Variants in FANCA observed in about 807,000 individuals in gnomAD.
The protein encoded by FANCA is Fanconi anemia group A protein.
Under a neutral mutation model 194.3 loss-of-function variants are expected in FANCA, and 236 were observed. That is an observed-to-expected ratio of 1.21 (90% confidence interval 1.09 to 1.35). The LOEUF (loss-of-function observed/expected upper bound fraction) is 1.35. FANCA is among the 40% of genes most tolerant of loss of function. The pLI, the probability that FANCA is intolerant of heterozygous loss-of-function variation, is 0.00. For synonymous variants in FANCA, 1,014 were observed against 715.8 expected, an observed-to-expected ratio of 1.42 and a Z score of -6.65; for missense variants, 2,628 against 1,813.9, an observed-to-expected ratio of 1.45 and a Z score of -8.15.
chr16:89,738,362 C>A lies in FANCA; in HGVS notation c.*239G>T. On this transcript the variant is annotated 3_prime_UTR_variant, in exon 43 of 43. Coordinates refer to ENST00000389301, the MANE Select transcript of FANCA (RefSeq NM_000135.4). ...CGGAGGGTGCTGCCCGCCCTTGGTG[C>A]TGGAGGCGGGCTTGGTGTCCGGCTC... The A allele has an allele frequency of 6.8e-7, 1 of 1,463,382 alleles. No individual in the cohort carries two copies. The highest frequency in any genetic ancestry group is 1.3e-5 in the South Asian group (1 of 74,746). 90.6% of individuals were successfully genotyped at this position (1,463,382 alleles called of 1,614,324 possible).
chr16:89,776,159 C>CTTTTTTTT (rs3069458), intron 20 of FANCA, among the ~76,000 whole-genome samples: 3 of 93,310 alleles, frequency 3.2e-5, no homozygotes, highest in Non-Finnish European at 4.5e-5. Flanking sequence ...CTTTGTTTTT[C>CTTTTTTTT]TTTTTTTTTT....
Position 89,758,650 on chromosome 16 carries a change from A to G in FANCA, c.2908T>C (p.Ser970Pro), listed in dbSNP as rs1212454276. The G allele has an allele frequency of 6.2e-7, 1 of 1,614,074 alleles. No homozygotes were observed. Among genetic ancestry groups the G allele is most frequent in the Non-Finnish European group, 8.5e-7 (1 of 1,179,960 alleles). The change falls in exon 30 of 43, where the codon TCA (serine) becomes CCA (proline). Residue 970 changes from serine (S) to proline (P), a missense_variant. Physicochemically the swap from Ser to Pro is moderately conservative, Grantham distance 74. Transcript: ENST00000389301. ...HEHFLPESSA[S>P]GGCDGDLQAA... ...TGCAGGTCTCCGTCACAGCCCCCTG[A>G]AGCCGAGGACTCAGGGAGAAAGTGC...
intron 31 of FANCA, among the ~76,000 whole-genome samples, chr16:89,750,183 A>C (rs2038535324): frequency 1.3e-5 from 2 of 152,118 alleles, no homozygotes; most frequent in Admixed American, 6.5e-5. Context: ...TCAACTACTT[A>C]TCAATTAAGA....
At chr16:89,816,135 G>T (rs778920010) in intron 1 of FANCA, 149 bp from the exon 2 acceptor site, 1 of 697,958 alleles carries the variant, frequency 1.4e-6, no homozygotes, top group African/African-American at 1.8e-5. Flanking sequence ...CAGGTCTCGG[G>T]AAACTAACGG....
chr16:89,777,944 T>A (rs1455608396), intron 20 of FANCA, among the ~76,000 whole-genome samples: 1 of 151,964 alleles, frequency 6.6e-6, no homozygotes, highest in East Asian at 1.9e-4. Flanking sequence ...GGCAGATCGC[T>A]TGAGCCCAGG....
In FANCA at chr16:89,765,934, A is replaced by G. The variant is rs550070484; in HGVS notation, c.2602-868T>C. ...TTATCTGGAAAGGGGCCAGGAATCT[A>G]TAGTTTCAAAAGCTTCTCAGTTGAT... On this transcript the variant is annotated intron_variant, in intron 27 of 42. Coordinates refer to ENST00000389301, the MANE Select transcript of FANCA (RefSeq NM_000135.4). Among the ~76,000 whole-genome samples the G allele has an allele frequency of 6.6e-5, 10 of 152,308 alleles. No homozygotes were observed. In the East Asian group the frequency reaches 1.7e-3, roughly 26 times the overall value.
At position 89,746,660 on chromosome 16, in the gene FANCA, C is replaced by T. The variant is rs199589419; in HGVS notation, c.3437G>A (p.Arg1146Lys). 31 of 1,614,062 alleles carry T rather than the reference C, an allele frequency of 1.9e-5. No homozygotes were observed. Among genetic ancestry groups the T allele is most frequent in the Non-Finnish European group, 2.5e-5 (29 of 1,180,050 alleles). Residue 1146 changes from arginine to lysine, a missense_variant, in exon 35 of 43, where the codon AGA becomes AAA. Transcript: ENST00000389301. ...RGLLNACLRS[R>K]DPSLMVDFIL... Reference sequence around the variant, plus strand: ...GAAGTCGACCATCAGGGAGGGGTCTCTGCTCCGCAGACAGGCGTTCAGGAG... The same window carrying T: ...GAAGTCGACCATCAGGGAGGGGTCTTTGCTCCGCAGACAGGCGTTCAGGAG...
At chr16:89,780,005 G>T (rs780926698) in intron 17 of FANCA, 48 bp from the exon 18 acceptor site, 1 of 1,547,248 alleles carries the variant, frequency 6.5e-7, no homozygotes, top group Non-Finnish European at 8.9e-7. Flanking sequence ...GGACTTTAAA[G>T]AAAAGACTGA....
At chr16:89,774,729 CAAA>C (rs780078944) in intron 21 of FANCA, among the ~76,000 whole-genome samples, 5 of 22,200 alleles carry the variant, frequency 2.3e-4, no homozygotes, top group Admixed American at 1.6e-3. Context: ...GACTCTGTCT[CAAA>C]AAAAAAAAAA....
At position 89,742,908 on chromosome 16, in the gene FANCA, T is replaced by A. The variant is rs2143062526; in HGVS notation, c.3657A>T (p.Ala1219=). The change falls in exon 37 of 43, where the codon GCA becomes GCT. Residue 1219 remains alanine (A), a synonymous_variant. Coordinates refer to ENST00000389301, the MANE Select transcript of FANCA (RefSeq NM_000135.4). ...DFLSPEAASP[A]PNPDWLSAAA... The stretch of plus-strand genomic sequence containing the variant: ...CAGCTGAGAGCCAGTCCGGGTTGGG[T>A]GCTGGGGAGGCAGCCTCAGGGGAGA... 6.2e-7 allele frequency: 1 copy of A among 1,614,070 alleles called. No individual in the cohort carries two copies. Among genetic ancestry groups the A allele is most frequent in the Non-Finnish European group, 8.5e-7 (1 of 1,180,020 alleles).
intron 14 of FANCA, among the ~76,000 whole-genome samples, chr16:89,789,308 G>GTT (rs1555559738): frequency 9.6e-6 from 1 of 103,866 alleles, no homozygotes; most frequent in African/African-American, 3.6e-5. Context: ...AGAAGGCCTG[G>GTT]GGGGGGAGCA....
At chr16:89,768,818 G>A (rs1293199015) in intron 26 of FANCA, among the ~76,000 whole-genome samples, 7 of 152,090 alleles carry the variant, frequency 4.6e-5, no homozygotes, top group African/African-American at 1.7e-4. Flanking sequence ...GTGTTTCTAA[G>A]AGAGGATGGC....
At position 89,792,186 on chromosome 16, in the gene FANCA, T is replaced by C. The variant is rs1023919976; in HGVS notation, c.1084-118A>G. ...GCCCCCTCACTTCCCACTGCAAAGGTAACACATGGAGCTGTGACAGCTCAC... is the reference window on the plus strand; with the variant it reads ...GCCCCCTCACTTCCCACTGCAAAGGCAACACATGGAGCTGTGACAGCTCAC... On this transcript the variant is annotated intron_variant, in intron 12 of 42. Coordinates refer to ENST00000389301, the MANE Select transcript of FANCA (RefSeq NM_000135.4). The C allele has an allele frequency of 2.1e-5, 25 of 1,217,786 alleles. No individual in the cohort carries two copies. The South Asian group carries it at 2.7e-4, about 13-fold the overall frequency. The allele number at this position is 1,217,786 out of a possible 1,614,324, so 75.4% of individuals were successfully genotyped here. A position where few individuals can be genotyped will look rare whatever the true frequency, so the allele number is the denominator to read the frequency against.
In FANCA at chr16:89,791,291, C is replaced by A. The variant is rs552959367; in HGVS notation, c.1359+112G>T. 9.8e-6 allele frequency: 14 copies of A among 1,432,994 alleles called. No individual in the cohort carries two copies. The African/African-American group carries it at 1.3e-4, about 13-fold the overall frequency. The allele number at this position is 1,432,994 out of a possible 1,614,324, so 88.8% of individuals were successfully genotyped here. ...TGCCAAGGCCACTCGGCAAAGCTGACAGCAAGGTTGCTCACTCACATGACA... is the reference window on the plus strand; with the variant it reads ...TGCCAAGGCCACTCGGCAAAGCTGAAAGCAAGGTTGCTCACTCACATGACA... On this transcript the variant is annotated intron_variant, in intron 14 of 42. Coordinates refer to ENST00000389301, the MANE Select transcript of FANCA (RefSeq NM_000135.4).
In FANCA at chr16:89,784,905, C is replaced by G. The variant is rs1337670144; in HGVS notation, c.1419G>C (p.Leu473=). 5 of 1,614,072 alleles carry G rather than the reference C, an allele frequency of 3.1e-6. No homozygotes were observed. Among genetic ancestry groups the G allele is most frequent in the Admixed American group, 3.3e-5 (2 of 59,998 alleles). The part of the protein sequence containing the change: ...HGCSKKALVF[L]FTFLSELVPF... ...GCACGAGTTCTGACAAGAACGTAAA[C>G]AGGAAGACCAGGGCCTTCTTGCTGC... Residue 473 remains leucine (L), a synonymous_variant, in exon 15 of 43, where the codon CTG becomes CTC. Coordinates refer to ENST00000389301, the MANE Select transcript of FANCA (RefSeq NM_000135.4).
At chr16:89,792,681 C>G (rs2040117430) in intron 11 of FANCA, 134 bp from the exon 12 acceptor site, 1 of 732,634 alleles carries the variant, frequency 1.4e-6, no homozygotes, top group East Asian at 2.8e-5. Flanking sequence ...AAGAAAGATA[C>G]AAGACAAAGA....
chr16:89,768,742 G>C (rs911629714), intron 26 of FANCA, among the ~76,000 whole-genome samples: 1 of 151,964 alleles, frequency 6.6e-6, no homozygotes, highest in African/African-American at 2.4e-5. Context: ...TATGCAAAAA[G>C]TAGCATCTGA....
chr16:89,814,424 G>T, intron 3 of FANCA, 96 bp downstream of exon 3: 1 of 968,502 alleles, frequency 1.0e-6, no homozygotes, highest in Non-Finnish European at 1.6e-6. Context: ...CCCATCGCCT[G>T]AGAAAATTTA....
At chr16:89,768,832 G>A (rs2039218538) in intron 26 of FANCA, among the ~76,000 whole-genome samples, 1 of 152,168 alleles carries the variant, frequency 6.6e-6, no homozygotes. Flanking sequence ...GGATGGCCCT[G>A]TCTCCCCCAA....
Sources: gnomAD v4.1 joint callset for allele counts (sites outside exome capture counted in the v4.1 genomes callset) on GRCh38, gnomAD v4.1.1 for gene constraint, MANE v1.5 for transcripts, NCBI Gene and HGNC (gene_info 2026-07-23, HGNC 2026-07-21) for gene names.